The following GPHN variants were observed in gnomAD, a reference collection of about 807,000 sequenced individuals.
GPHN encodes gephyrin.
A neutral mutation model predicts 95.5 loss-of-function variants in GPHN; 17 were observed. That is an observed-to-expected ratio of 0.18 (90% CI 0.12 to 0.27). The LOEUF is 0.27. GPHN is among the 10% of genes least tolerant of loss of function. The probability of loss-of-function intolerance (pLI) is 1.00; values close to 1 mark genes in which losing one functional copy is unlikely to be tolerated. For missense variants in GPHN, 660 were observed against 978.1 expected (o/e 0.67, Z 4.34); for synonymous variants, 320 against 322.5 (o/e 0.99, Z 0.08).
chr14:66,667,045 A>C (rs1390677875), intron 1 of GPHN, among the ~76,000 whole-genome samples: 1 of 152,230 alleles, frequency 6.6e-6, no homozygotes, highest in African/African-American at 2.4e-5. Context: ...CAGTTGCCAC[A>C]AAAAGAATAA....
intron 3 of GPHN, among the ~76,000 whole-genome samples, chr14:66,777,410 A>G (rs2059423975): frequency 6.6e-6 from 1 of 152,200 alleles, no homozygotes; most frequent in South Asian, 2.1e-4. Flanking sequence ...AGGAACTGGT[A>G]CCATTCCTTC....
chr14:66,561,000 CAT>C (rs1287054620), intron 1 of GPHN, among the ~76,000 whole-genome samples: 2 of 152,152 alleles, frequency 1.3e-5, no homozygotes, highest in Non-Finnish European at 2.9e-5. Flanking sequence ...TTGAGATAAT[CAT>C]GTGGTTTTTG....
At chr14:66,620,600 G>T (rs770085585) in intron 1 of GPHN, among the ~76,000 whole-genome samples, 83 of 152,090 alleles carry the variant, frequency 5.5e-4, no homozygotes, top group Non-Finnish European at 1.6e-4. Context: ...TGACACGTGG[G>T]AATTGTAGGA....
At chr14:67,346,375 G>A in the GPHN span, among the ~76,000 whole-genome samples, 3 of 152,206 alleles carry the variant, frequency 2.0e-5, no homozygotes, top group African/African-American at 2.4e-5. Context: ...GCAGTGGTGC[G>A]ATCTCAGCTC....
chr14:67,674,363 C>CCCCCGCCTCACCGGT, the GPHN span: 1 of 1,580,978 alleles, frequency 6.3e-7, no homozygotes, highest in Non-Finnish European at 8.6e-7. Flanking sequence ...GCGTGGCCCA[C>CCCCCGCCTCACCGGT]CCCCGCCTCA....
the GPHN span, among the ~76,000 whole-genome samples, chr14:67,395,030 T>C: frequency 2.6e-5 from 4 of 152,030 alleles, no homozygotes; most frequent in African/African-American, 9.7e-5. Context: ...AATAAATCCC[T>C]CCTTATGAGT....
At chr14:67,386,219 T>C in the GPHN span, 252 of 152,664 alleles carry the variant, frequency 1.7e-3, no homozygotes, top group Non-Finnish European at 2.7e-3. Flanking sequence ...AAATGGAAAA[T>C]GGTGCTTTAA....
At chr14:67,328,959 A>G in the GPHN span, among the ~76,000 whole-genome samples, 46,070 of 151,860 alleles carry the variant, frequency 0.3, 10,418 homozygotes, top group African/African-American at 0.61. Context: ...TTGGCAATGC[A>G]GGCTCTTTTT....
At chr14:67,154,319 A>G (rs1043660608) in intron 18 of GPHN, among the ~76,000 whole-genome samples, 1 of 152,134 alleles carries the variant, frequency 6.6e-6, no homozygotes, top group African/African-American at 2.4e-5. Flanking sequence ...GACCTTTCCT[A>G]TTCCCCACAC....
Position 67,057,411 on chromosome 14 carries a change from T to TG in GPHN, c.1007-1230dup, listed in dbSNP as rs776663211. On this transcript the variant is annotated intron_variant, in intron 10 of 22. Transcript: ENST00000478722. ...CAACAAGAACACATGGGCACATGGG[T>TG]GGGGGGGGCAACAGCACACACTGGG... 2.1e-3 allele frequency among the ~76,000 whole-genome samples: 283 copies of TG among 135,956 alleles called. 11 individuals carry two copies. In the East Asian group the frequency reaches 0.034, roughly 16 times the overall value. The allele number at this position is 135,956 out of a possible 152,430, so 89.2% of individuals were successfully genotyped here.
chr14:66,940,474 A>G (rs563056751), intron 8 of GPHN, among the ~76,000 whole-genome samples: 5 of 152,252 alleles, frequency 3.3e-5, no homozygotes, highest in East Asian at 3.9e-4. Flanking sequence ...GGTGCCACCC[A>G]TAGGTTTTAA....
chr14:66,655,828 A>G (rs954592462), intron 1 of GPHN, among the ~76,000 whole-genome samples: 7 of 152,052 alleles, frequency 4.6e-5, no homozygotes, highest in African/African-American at 1.7e-4. Context: ...ATTTTGTGAA[A>G]TGCTTTCCCG....
At chr14:66,665,702 G>A (rs976434189) in intron 1 of GPHN, among the ~76,000 whole-genome samples, 2 of 152,170 alleles carry the variant, frequency 1.3e-5, no homozygotes. Flanking sequence ...CGATTCCTCA[G>A]GGATCTAGAA....
chr14:66,676,219 C>T (rs8013215), intron 1 of GPHN, among the ~76,000 whole-genome samples: 49,818 of 151,810 alleles, frequency 0.33, 12,001 homozygotes, highest in African/African-American at 0.66. Context: ...GAAGAGTCTT[C>T]AGGATTTTTT....
the GPHN span, among the ~76,000 whole-genome samples, chr14:67,347,039 T>C: frequency 0.16 from 23,602 of 152,112 alleles, 3,461 homozygotes; most frequent in East Asian, 0.42. Flanking sequence ...CAGGCTGGAG[T>C]GCAGTGGCGT....
chr14:67,460,320 C>G, the GPHN span, among the ~76,000 whole-genome samples: 3 of 152,180 alleles, frequency 2.0e-5, no homozygotes, highest in Non-Finnish European at 4.4e-5. Flanking sequence ...CTTGAACAAC[C>G]TACTCTCCCT....
At chr14:67,578,509 C>T in the GPHN span, 1 of 1,529,978 alleles carries the variant, frequency 6.5e-7, no homozygotes. The surrounding 1 kb of genome is among the most constrained non-coding windows in gnomAD (Gnocchi z 5.0). Context: ...CAGCACTCAC[C>T]CCACGCTGTC....
chr14:67,645,372 G>C, the GPHN span, among the ~76,000 whole-genome samples: 1 of 152,108 alleles, frequency 6.6e-6, no homozygotes, highest in Admixed American at 6.6e-5. Context: ...AGGGCTAATG[G>C]ATAAAATTAT....
At chr14:66,708,855 A>G (rs2069348391) in intron 2 of GPHN, among the ~76,000 whole-genome samples, 1 of 152,158 alleles carries the variant, frequency 6.6e-6, no homozygotes, top group Admixed American at 6.6e-5. Context: ...ACGGAGCTCA[A>G]AAGTCCCTAT....
Sources: allele counts gnomAD v4.1 joint callset (sites outside exome capture counted in the v4.1 genomes callset), GRCh38; gene constraint gnomAD v4.1.1; non-coding constraint Gnocchi (gnomAD v3.1); transcripts MANE v1.5; gene names NCBI Gene and HGNC (gene_info 2026-07-23, HGNC 2026-07-21).